ZBBX: variants seen among roughly 807,000 people sequenced by gnomAD.
The protein encoded by ZBBX is zinc finger B-box domain-containing protein 1.
Under a neutral mutation model 108.5 loss-of-function variants are expected in ZBBX, and 101 were observed. The observed-to-expected ratio is 0.93, with a 90% confidence interval of 0.79 to 1.10. ZBBX has a LOEUF of 1.10. ZBBX is among the 50% of genes least tolerant of loss of function. The pLI is 0.00. For synonymous variants in ZBBX, 356 were observed against 323.4 expected (o/e 1.10, Z -1.08); for missense variants, 1,009 against 941.4 (o/e 1.07, Z -0.94).
At chr3:167,380,414 T>C (rs915288265), upstream of ZBBX, 2 of 152,004 alleles carry the variant, frequency 1.3e-5, no homozygotes, top group African/African-American at 4.8e-5. Flanking sequence ...GCCTGCGAAA[T>C]GAGAGAGAAT....
chr3:167,315,684 G>T, intron 15 of ZBBX, 66 bp downstream of exon 15: 1 of 1,123,636 alleles, frequency 8.9e-7, no homozygotes, highest in Non-Finnish European at 1.3e-6. Flanking sequence ...TAAAAAGACA[G>T]ATGATTTTGT....
At chr3:167,190,648 G>A in the ZBBX span, among the ~76,000 whole-genome samples, 4 of 152,122 alleles carry the variant, frequency 2.6e-5, no homozygotes, top group African/African-American at 9.7e-5. Context: ...CCAAAGTGCT[G>A]GGATTACAGG....
At chr3:167,326,232 T>G (rs80339743) in intron 11 of ZBBX, among the ~76,000 whole-genome samples, 2,113 of 152,286 alleles carry the variant, frequency 0.014, 26 homozygotes, top group South Asian at 0.026. Context: ...AGATGGCCAG[T>G]TGCCCATTAC....
downstream of ZBBX, among the ~76,000 whole-genome samples, chr3:167,237,334 A>G (rs1165498103): frequency 6.6e-6 from 1 of 151,944 alleles, no homozygotes; most frequent in Non-Finnish European, 1.5e-5. Flanking sequence ...AGGCTGTAAA[A>G]TTATAGAATT....
At chr3:167,367,561 C>T (rs1166281071) in intron 5 of ZBBX, among the ~76,000 whole-genome samples, 1 of 148,494 alleles carries the variant, frequency 6.7e-6, no homozygotes, top group East Asian at 2.0e-4. Flanking sequence ...TGAATTAATT[C>T]CCATATTTTT....
downstream of ZBBX, among the ~76,000 whole-genome samples, chr3:167,238,056 G>A (rs559891537): frequency 7.9e-5 from 12 of 152,108 alleles, no homozygotes; most frequent in Admixed American, 4.6e-4. Flanking sequence ...CAAGGGAAAA[G>A]GAAGATGTCT....
chr3:167,314,060 T>C lies in ZBBX; in HGVS notation c.1331A>G (p.Gln444Arg). The C allele has an allele frequency of 1.2e-6, 2 of 1,606,938 alleles. No individual in the cohort carries two copies. The highest frequency in any genetic ancestry group is 1.7e-6 in the Non-Finnish European group (2 of 1,176,474). ...CTTTCCCTTATCGAAAACATGATGTTGATGGATGCCATTTTCATATGGAAA... is the reference window on the plus strand; with the variant it reads ...CTTTCCCTTATCGAAAACATGATGTCGATGGATGCCATTTTCATATGGAAA... ...NSFPYENGIH[Q>R]HHVFDKGKRD... Residue 444 changes from glutamine to arginine, a missense_variant, in exon 16 of 22, where the codon CAA (glutamine) becomes CGA (arginine). Coordinates refer to ENST00000675490, the MANE Select transcript of ZBBX (RefSeq NM_001199201.2).
the ZBBX span, among the ~76,000 whole-genome samples, chr3:167,225,622 G>T: frequency 6.6e-6 from 1 of 151,728 alleles, no homozygotes; most frequent in Admixed American, 6.6e-5. Flanking sequence ...GACTATCGGG[G>T]GCTCGGATTG....
chr3:167,190,135 C>A, the ZBBX span, among the ~76,000 whole-genome samples: 45 of 151,986 alleles, frequency 3.0e-4, no homozygotes, highest in African/African-American at 1.1e-3. Flanking sequence ...ATTGTCATGT[C>A]TTGTATATGC....
chr3:167,240,769 G>C lies in ZBBX; in HGVS notation c.*24C>G. ...TTTGCTTTACTCTGGGTACAAAATG[G>C]AAACAGTAATGAACAAATAATCTTT... On this transcript the variant is annotated 3_prime_UTR_variant, in exon 22 of 22. Transcript: ENST00000675490. 6.2e-7 allele frequency: 1 copy of C among 1,606,388 alleles called. No homozygotes were observed. Among genetic ancestry groups the C allele is most frequent in the Non-Finnish European group, 8.5e-7 (1 of 1,176,128 alleles).
chr3:167,274,285 T>C (rs1318486273), intron 20 of ZBBX, among the ~76,000 whole-genome samples: 1 of 152,192 alleles, frequency 6.6e-6, no homozygotes, highest in Non-Finnish European at 1.5e-5. Flanking sequence ...TCTTCACTTC[T>C]CTTGCAGTCA....
the ZBBX span, among the ~76,000 whole-genome samples, chr3:167,191,808 G>T: frequency 6.7e-6 from 1 of 149,746 alleles, no homozygotes; most frequent in African/African-American, 2.5e-5. Context: ...CTCCTCAAGA[G>T]TGATTTTCTC....
chr3:167,298,406 C>T lies in ZBBX; in HGVS notation c.1778G>A (p.Gly593Glu), dbSNP rs771044704. 2.5e-6 allele frequency: 4 copies of T among 1,588,296 alleles called. No homozygotes were observed. Among genetic ancestry groups the T allele is most frequent in the Admixed American group, 1.7e-5 (1 of 58,476 alleles). The change falls in exon 18 of 22, where the codon GGA (glycine) becomes GAA (glutamate). Residue 593 changes from glycine to glutamate, a missense_variant. By Grantham distance (98) the Gly-to-Glu change is moderately conservative. Coordinates refer to ENST00000675490, the MANE Select transcript of ZBBX (RefSeq NM_001199201.2). ...RSKPITKQYQ[G>E]LERFFIFDTN... ...ATCAAAAATAAAGAATCTCTCAAGT[C>T]CTTGATATTGTTTTGTTATAGGCTT...
At chr3:167,190,145 CAT>C in the ZBBX span, among the ~76,000 whole-genome samples, 1 of 151,916 alleles carries the variant, frequency 6.6e-6, no homozygotes, top group Non-Finnish European at 1.5e-5. Flanking sequence ...CTTGTATATG[CAT>C]ATGTTTTGGA....
At chr3:167,301,492 C>T (rs1213418710) in intron 17 of ZBBX, among the ~76,000 whole-genome samples, 1 of 152,162 alleles carries the variant, frequency 6.6e-6, no homozygotes, top group Non-Finnish European at 1.5e-5. Context: ...TGCTTTATTA[C>T]TTTTGAGTCA....
chr3:167,267,082 T>C lies in ZBBX; in HGVS notation c.2254+15156A>G, dbSNP rs183480654. 2.0e-5 allele frequency among the ~76,000 whole-genome samples: 3 copies of C among 152,278 alleles called. No individual in the cohort carries two copies. The East Asian group carries it at 5.8e-4, about 29-fold the overall frequency. ...TCACAGGGGCGACAAAGTATTTCCT[T>C]GGAAGTTGAAAGTGTGTGAATGGTA... On this transcript the variant is annotated intron_variant, in intron 20 of 21. Transcript: ENST00000675490.
At chr3:167,230,751 A>C in the ZBBX span, among the ~76,000 whole-genome samples, 1 of 151,774 alleles carries the variant, frequency 6.6e-6, no homozygotes, top group African/African-American at 2.4e-5. Flanking sequence ...GAGCTTTGGA[A>C]GCGATTGGGA....
At chr3:167,217,661 G>A in the ZBBX span, among the ~76,000 whole-genome samples, 2 of 151,988 alleles carry the variant, frequency 1.3e-5, no homozygotes, top group African/African-American at 2.4e-5. Context: ...ACACATGCAC[G>A]TGAATGTTCA....
At chr3:167,314,781 C>T (rs1735158858) in intron 15 of ZBBX, among the ~76,000 whole-genome samples, 1 of 152,094 alleles carries the variant, frequency 6.6e-6, no homozygotes, top group Non-Finnish European at 1.5e-5. Flanking sequence ...AAACTACTGC[C>T]AAATCATGAT....
Sources: allele counts gnomAD v4.1 joint callset (sites outside exome capture counted in the v4.1 genomes callset), GRCh38; gene constraint gnomAD v4.1.1; transcripts MANE v1.5; gene names NCBI Gene and HGNC (gene_info 2026-07-23, HGNC 2026-07-21).